CACNA2D1: variants seen among roughly 807,000 people sequenced by gnomAD.
The protein encoded by CACNA2D1 is calcium voltage-gated channel auxiliary subunit alpha2delta 1.
In CACNA2D1, 53 loss-of-function variants were observed where a neutral mutation model predicts 171.5. The ratio of observed to expected loss-of-function variants is 0.31; its 90% CI spans 0.25 to 0.39. The LOEUF (loss-of-function observed/expected upper bound fraction) is 0.39. CACNA2D1 is among the 10% of genes least tolerant of loss of function. CACNA2D1 has a pLI of 1.00. For missense variants in CACNA2D1, 903 were observed against 1,299.8 expected, an observed-to-expected ratio of 0.69 and a Z score of 4.69; for synonymous variants, 442 against 443.1, an observed-to-expected ratio of 1.00 and a Z score of 0.03.
intron 11 of CACNA2D1, among the ~76,000 whole-genome samples, chr7:82,037,759 A>G (rs1353857361): frequency 6.6e-6 from 1 of 152,226 alleles, no homozygotes; most frequent in Non-Finnish European, 1.5e-5. Flanking sequence ...TGATTGAGAT[A>G]AGAAAAAGTA....
rs1795603045 is a variant in CACNA2D1 at position 81,974,328 on chromosome 7, A to G, written c.2053+127T>C. On this transcript the variant is annotated intron_variant, in intron 25 of 38. Transcript: ENST00000356860. ...AAGGATCAAATTGTTACATTTTACT[A>G]TTAAAAAGTTGTAAAGTAAATAAAC... The G allele has an allele frequency of 1.1e-5, 6 of 569,160 alleles. No individual in the cohort carries two copies. The Admixed American group carries it at 1.5e-4, about 14-fold the overall frequency. The allele number at this position is 569,160 out of a possible 1,614,324, so 35.3% of individuals were successfully genotyped here. A position where few individuals can be genotyped will look rare whatever the true frequency, so the allele number is the denominator to read the frequency against.
At chr7:82,245,499 A>G (rs531786383) in intron 3 of CACNA2D1, among the ~76,000 whole-genome samples, 1 of 152,304 alleles carries the variant, frequency 6.6e-6, no homozygotes, top group South Asian at 2.1e-4. Flanking sequence ...AAATGGAGTA[A>G]CTAAACACAG....
intron 12 of CACNA2D1, among the ~76,000 whole-genome samples, chr7:82,018,529 C>T (rs937916367): frequency 1.3e-5 from 2 of 152,054 alleles, no homozygotes; most frequent in African/African-American, 4.8e-5. Context: ...AAGCAGACAT[C>T]CTTACTGGAG....
chr7:82,237,663 T>C (rs575847879), intron 3 of CACNA2D1, among the ~76,000 whole-genome samples: 4 of 152,148 alleles, frequency 2.6e-5, no homozygotes, highest in South Asian at 2.1e-4. Flanking sequence ...TTTGCAAAGA[T>C]AGGACAGAGA....
intron 3 of CACNA2D1, among the ~76,000 whole-genome samples, chr7:82,279,077 G>A (rs1010344): frequency 0.21 from 31,418 of 152,100 alleles, 3,749 homozygotes; most frequent in Non-Finnish European, 0.26. Flanking sequence ...TCAGTGCCAA[G>A]GTTTTCTCTT....
In CACNA2D1 at chr7:82,000,562, A is replaced by G. The variant is rs781177459; in HGVS notation, c.1591-3312T>C. 1.4e-4 allele frequency among the ~76,000 whole-genome samples: 21 copies of G among 151,876 alleles called. 1 individual carries two copies. Among genetic ancestry groups the G allele is most frequent in the South Asian group, 4.2e-4 (2 of 4,806 alleles). On this transcript the variant is annotated intron_variant, in intron 18 of 38. Transcript: ENST00000356860. Reference sequence around the variant, plus strand: ...CACAGCTTATCCATCTCTTAATAACATATTACCTCTTCATTTTAATGTCAC... The same window carrying G: ...CACAGCTTATCCATCTCTTAATAACGTATTACCTCTTCATTTTAATGTCAC...
At chr7:82,327,782 G>A (rs191544279) in intron 3 of CACNA2D1, among the ~76,000 whole-genome samples, 8 of 152,242 alleles carry the variant, frequency 5.3e-5, no homozygotes, top group Admixed American at 5.2e-4. Context: ...CTATAATTAT[G>A]TGTTGTTACT....
At chr7:82,149,956 G>A (rs1343913663) in intron 4 of CACNA2D1, among the ~76,000 whole-genome samples, 1 of 151,768 alleles carries the variant, frequency 6.6e-6, no homozygotes, top group African/African-American at 2.4e-5. Context: ...GAGTATGTGC[G>A]TGTCTCTGTG....
chr7:82,155,255 T>C (rs1288364600), intron 4 of CACNA2D1, among the ~76,000 whole-genome samples: 2 of 152,166 alleles, frequency 1.3e-5, no homozygotes, highest in Non-Finnish European at 2.9e-5. Flanking sequence ...TATTTCTTTA[T>C]AGCAATGCAA....
chr7:82,012,210 A>C lies in CACNA2D1; in HGVS notation c.1306T>G (p.Leu436Val). Residue 436 changes from leucine to valine, a missense_variant, in exon 15 of 39, where the codon TTA becomes GTA. By Grantham distance (32) the Leu-to-Val change is conservative (BLOSUM62 1). This residue lies in a region of CACNA2D1 where 623 missense variants were observed against 925.5 expected (regional missense o/e 0.67). Coordinates refer to ENST00000356860, the MANE Select transcript of CACNA2D1 (RefSeq NM_000722.4). ...ACTTGCTTAGCTTTGTCTCCTGCTA[A>C]AACCATTGGTCTTCCCAAAACATCC... ...YLDVLGRPMVLAGDKAKQVQW... is the reference protein window; with the variant it reads ...YLDVLGRPMVVAGDKAKQVQW... The C allele has an allele frequency of 6.2e-7, 1 of 1,608,510 alleles. No homozygotes were observed. Among genetic ancestry groups the C allele is most frequent in the Non-Finnish European group, 8.5e-7 (1 of 1,175,422 alleles).
chr7:81,968,819 G>C, intron 29 of CACNA2D1, 68 bp downstream of exon 29: 2 of 890,644 alleles, frequency 2.2e-6, no homozygotes, highest in South Asian at 1.4e-5. Context: ...AACATTGCCA[G>C]TTTATAATAT....
At chr7:81,970,455 A>G (rs1795152621) in intron 27 of CACNA2D1, among the ~76,000 whole-genome samples, 1 of 151,608 alleles carries the variant, frequency 6.6e-6, no homozygotes, top group African/African-American at 2.4e-5. Flanking sequence ...ATGTTGTAAT[A>G]AACATATTTG....
chr7:81,980,368 C>T (rs867078389), intron 24 of CACNA2D1, among the ~76,000 whole-genome samples: 1 of 152,020 alleles, frequency 6.6e-6, no homozygotes. Flanking sequence ...CAGCCAAAGA[C>T]ATTCCAGAAA....
intron 1 of CACNA2D1, among the ~76,000 whole-genome samples, chr7:82,385,726 G>C (rs1395398540): frequency 6.6e-6 from 1 of 151,750 alleles, no homozygotes; most frequent in Non-Finnish European, 1.5e-5. Context: ...GTATAGTGGT[G>C]CAATCTCGGC....
At chr7:82,242,057 T>A (rs1804368525) in intron 3 of CACNA2D1, among the ~76,000 whole-genome samples, 1 of 152,036 alleles carries the variant, frequency 6.6e-6, no homozygotes, top group Non-Finnish European at 1.5e-5. Flanking sequence ...AAGGATAAAA[T>A]ATATCCTCAA....
intron 1 of CACNA2D1, among the ~76,000 whole-genome samples, chr7:82,395,236 TG>T (rs1825644196): frequency 6.6e-6 from 1 of 151,832 alleles, no homozygotes; most frequent in African/African-American, 2.4e-5. Context: ...TCTGATGGAA[TG>T]TATGATATGA....
intron 5 of CACNA2D1, among the ~76,000 whole-genome samples, chr7:82,117,499 G>T (rs1419259298): frequency 2.0e-5 from 3 of 152,096 alleles, no homozygotes; most frequent in Non-Finnish European, 4.4e-5. Flanking sequence ...TTAAAGAATT[G>T]GATAGGCCAG....
At chr7:82,026,418 GTTTT>G (rs1029381783) in intron 12 of CACNA2D1, among the ~76,000 whole-genome samples, 2 of 151,640 alleles carry the variant, frequency 1.3e-5, no homozygotes, top group African/African-American at 4.8e-5. Context: ...TTTAAAAAAA[GTTTT>G]TTTAAAAAGT....
chr7:82,288,091 C>T (rs529633816), intron 3 of CACNA2D1, among the ~76,000 whole-genome samples: 5 of 151,694 alleles, frequency 3.3e-5, no homozygotes, highest in South Asian at 4.2e-4. Flanking sequence ...CTGCCCGCCT[C>T]GGCCTCCCAA....
Sources: allele counts gnomAD v4.1 joint callset (sites outside exome capture counted in the v4.1 genomes callset), GRCh38; gene constraint gnomAD v4.1.1; regional missense constraint gnomAD v4.1.1; transcripts MANE v1.5; gene names NCBI Gene and HGNC (gene_info 2026-07-23, HGNC 2026-07-21).